FAT3: variants seen among roughly 807,000 people sequenced by gnomAD.
FAT3 encodes FAT atypical cadherin 3.
Under a neutral mutation model 310.2 loss-of-function variants are expected in FAT3, and 95 were observed. That is an observed-to-expected ratio of 0.31 (90% CI 0.26 to 0.36). The LOEUF (loss-of-function observed/expected upper bound fraction) is 0.36, where lower values mean the gene tolerates loss of function less well. Among genes scored for constraint, FAT3 ranks in the 10% least tolerant of loss-of-function variants. The pLI is 1.00. For synonymous variants in FAT3, 2,314 were observed against 2,192.9 expected, an observed-to-expected ratio of 1.06 and a Z score of -1.54; for missense variants, 5,408 against 5,715.6, an observed-to-expected ratio of 0.95 and a Z score of 1.74.
chr11:92,797,921 G>C lies in FAT3; in HGVS notation c.4908G>C (p.Gln1636His). Residue 1636 changes from glutamine (Q) to histidine (H), a missense_variant, in exon 10 of 28, where the codon CAG becomes CAC. Gln to His is a conservative substitution (Grantham distance 24). Coordinates refer to ENST00000525166, the MANE Select transcript of FAT3 (RefSeq NM_001367949.2). ...AACCAGACATGACGACGATGGGTCA[G>C]TTTGTCCTATCCATCAAAGTCACAG... The part of the protein sequence containing the change: ...CKEPDMTTMG[Q>H]FVLSIKVTDQ... 7.4e-6 allele frequency: 12 copies of C among 1,613,852 alleles called. No homozygotes were observed. Among genetic ancestry groups the C allele is most frequent in the African/African-American group, 1.3e-5 (1 of 75,046 alleles).
intron 4 of FAT3, among the ~76,000 whole-genome samples, chr11:92,698,181 C>T (rs1349402403): frequency 2.0e-5 from 3 of 152,118 alleles, no homozygotes; most frequent in Non-Finnish European, 4.4e-5. Flanking sequence ...TATAATGTGT[C>T]TACGCTTCTA....
At chr11:92,833,179 A>G (rs1948312210) in intron 14 of FAT3, among the ~76,000 whole-genome samples, 2 of 152,176 alleles carry the variant, frequency 1.3e-5, no homozygotes, top group South Asian at 2.1e-4. Context: ...CATAGACTGT[A>G]TGGATTTCTA....
intron 3 of FAT3, among the ~76,000 whole-genome samples, chr11:92,656,905 TACC>T (rs1451399990): frequency 1.3e-5 from 2 of 151,838 alleles, no homozygotes; most frequent in East Asian, 3.9e-4. Context: ...CTGCTTATTT[TACC>T]ACATCTTCCC....
chr11:92,650,858 T>C (rs1942349861), intron 3 of FAT3, among the ~76,000 whole-genome samples: 1 of 152,228 alleles, frequency 6.6e-6, no homozygotes, highest in South Asian at 2.1e-4. Context: ...GATTAAATGA[T>C]ATTTCATGAA....
intron 2 of FAT3, among the ~76,000 whole-genome samples, chr11:92,442,104 TATA>T (rs1452150846): frequency 0.04 from 857 of 21,186 alleles, 32 homozygotes; most frequent in South Asian, 0.12. Flanking sequence ...TATATATATA[TATA>T]TATATTTTTT....
At chr11:92,537,154 G>A (rs556474154) in intron 3 of FAT3, among the ~76,000 whole-genome samples, 1 of 152,206 alleles carries the variant, frequency 6.6e-6, no homozygotes, top group African/African-American at 2.4e-5. Context: ...ACCTAACCCT[G>A]AGCGGGAGCT....
intron 24 of FAT3, chr11:92,886,721 T>C (rs1949805239): frequency 2.5e-6 from 1 of 395,344 alleles, no homozygotes; most frequent in Non-Finnish European, 4.6e-6. Flanking sequence ...CTTCACTCAG[T>C]TGCTTCACTT....
chr11:92,496,434 C>T (rs1015179048), intron 2 of FAT3, among the ~76,000 whole-genome samples: 1 of 151,990 alleles, frequency 6.6e-6, no homozygotes, highest in African/African-American at 2.4e-5. Flanking sequence ...TCCATAGCCC[C>T]ATCTCTTGCC....
intron 6 of FAT3, among the ~76,000 whole-genome samples, chr11:92,773,137 TTCTCCCCCTCAAA>T: frequency 6.6e-6 from 1 of 152,168 alleles, no homozygotes; most frequent in South Asian, 2.1e-4. Flanking sequence ...ACCATTATTT[TTCTCCCCCTCAAA>T]AAAATCTTTC....
At chr11:92,331,057 T>A (rs187383892) in intron 1 of FAT3, among the ~76,000 whole-genome samples, 2 of 151,992 alleles carry the variant, frequency 1.3e-5, no homozygotes, top group African/African-American at 4.8e-5. Flanking sequence ...TTTAATGCTA[T>A]ACACAGTTGT....
At chr11:92,343,799 A>G (rs1402741131) in intron 1 of FAT3, among the ~76,000 whole-genome samples, 1 of 152,144 alleles carries the variant, frequency 6.6e-6, no homozygotes, top group Non-Finnish European at 1.5e-5. Context: ...TTTGTACCCT[A>G]TGATATGGTG....
chr11:92,275,246 G>A (rs544432418), intron 1 of FAT3, among the ~76,000 whole-genome samples: 29 of 152,092 alleles, frequency 1.9e-4, no homozygotes, highest in African/African-American at 5.5e-4. Flanking sequence ...TCTCCAAGAC[G>A]TTTATCTCTC....
chr11:92,444,286 T>C (rs1034255662), intron 2 of FAT3, among the ~76,000 whole-genome samples: 5 of 151,994 alleles, frequency 3.3e-5, no homozygotes, highest in Non-Finnish European at 7.4e-5. Flanking sequence ...ACCCAGTTAA[T>C]CAAGAAGACT....
intron 3 of FAT3, among the ~76,000 whole-genome samples, chr11:92,570,384 G>C (rs1004911740): frequency 6.6e-5 from 10 of 152,260 alleles, no homozygotes; most frequent in Middle Eastern, 3.4e-3. Flanking sequence ...GTGTGAGACA[G>C]GATCTAAGCA....
rs1948677151 is a variant in FAT3 at position 92,354,577 on chromosome 11, A to G, written c.2465A>G (p.Glu822Gly). 5 of 1,613,876 alleles carry G rather than the reference A, an allele frequency of 3.1e-6. No homozygotes were observed. The change falls in exon 2 of 28, where the codon GAG becomes GGG. Residue 822 changes from glutamate (E) to glycine (G), a missense_variant. Transcript: ENST00000525166. ...SSWRLLTINV[E>G]DANDNSPVFI... ...TGGAGACTGCTGACCATCAATGTGG[A>G]GGATGCTAATGACAATAGCCCAGTT...
intron 3 of FAT3, among the ~76,000 whole-genome samples, chr11:92,547,740 G>A (rs1954660809): frequency 6.6e-6 from 1 of 152,104 alleles, no homozygotes; most frequent in Non-Finnish European, 1.5e-5. Context: ...TTCTGCCCTG[G>A]GTAGTATGAG....
chr11:92,892,814 A>T lies in FAT3; in HGVS notation c.*1701A>T, dbSNP rs775814367. The T allele has an allele frequency of 6.6e-6, 1 of 152,220 alleles. No individual in the cohort carries two copies. The highest frequency in any genetic ancestry group is 1.5e-5 in the Non-Finnish European group (1 of 68,042). The allele number at this position is 152,220 out of a possible 1,614,324, so 9.4% of individuals were successfully genotyped here. On this transcript the variant is annotated 3_prime_UTR_variant, in exon 28 of 28. Coordinates refer to ENST00000525166, the MANE Select transcript of FAT3 (RefSeq NM_001367949.2). ...GATTACACCCTGGGATTCCCTTCTC[A>T]TCTGTGGGCTTTGGCCATGATTTCC...
At chr11:92,844,849 T>A in intron 19 of FAT3, 117 bp downstream of exon 19, 1 of 1,222,386 alleles carries the variant, frequency 8.2e-7, no homozygotes, top group Non-Finnish European at 1.1e-6. Flanking sequence ...AATGATCAAT[T>A]ACTGTGTGCC....
Position 92,801,922 on chromosome 11 carries a change from C to T in FAT3, c.8896+13C>T. ...TACCATATTACAGGTGAGTAAATAC[C>T]CCCAGTTTTCATTATGTGCACTGCT... On this transcript the variant is annotated intron_variant, in intron 10 of 27. Transcript: ENST00000525166. The T allele has an allele frequency of 6.2e-7, 1 of 1,604,526 alleles. No homozygotes were observed. The highest frequency in any genetic ancestry group is 1.1e-5 in the South Asian group (1 of 90,114).
Sources: allele counts gnomAD v4.1 joint callset (sites outside exome capture counted in the v4.1 genomes callset), GRCh38; gene constraint gnomAD v4.1.1; transcripts MANE v1.5; gene names NCBI Gene and HGNC (gene_info 2026-07-23, HGNC 2026-07-21).